The following GIT2 variants were observed in gnomAD, a reference collection of about 807,000 sequenced individuals.
GIT2 encodes GIT ArfGAP 2.
In GIT2, 32 loss-of-function variants were observed where a neutral mutation model predicts 100.3. That is an observed-to-expected ratio of 0.32 (90% confidence interval 0.24 to 0.43). The LOEUF (loss-of-function observed/expected upper bound fraction) is 0.43, where lower values mean the gene tolerates loss of function less well. Ranked by LOEUF, GIT2 falls within the 20% of genes least tolerant of loss-of-function variation. The pLI is 1.00. For missense variants in GIT2, 737 were observed against 975.1 expected (o/e 0.76, Z 3.25); for synonymous variants, 353 against 364.1 (o/e 0.97, Z 0.35).
chr12:109,960,408 G>C (rs961270616), intron 11 of GIT2, among the ~76,000 whole-genome samples: 3 of 152,048 alleles, frequency 2.0e-5, no homozygotes, highest in African/African-American at 4.8e-5. Flanking sequence ...AGGATCACTT[G>C]AGGTCAGGAC....
intron 1 of GIT2, among the ~76,000 whole-genome samples, chr12:109,994,324 G>C (rs1387714258): frequency 6.6e-6 from 1 of 152,120 alleles, no homozygotes; most frequent in Non-Finnish European, 1.5e-5. Context: ...TGGAGCCAGG[G>C]CTCCAGGGAC....
At chr12:109,995,978 G>A (rs1889329445) in intron 1 of GIT2, 195 bp downstream of exon 1, 3 of 473,436 alleles carry the variant, frequency 6.3e-6, no homozygotes, top group Middle Eastern at 5.5e-4. Flanking sequence ...GGAGGGCCGC[G>A]AGGGACGGGG....
chr12:109,989,650 G>T, intron 3 of GIT2, 40 bp downstream of exon 3: 1 of 1,126,100 alleles, frequency 8.9e-7, no homozygotes. Flanking sequence ...GGCCCCATTT[G>T]TTATGAAGAA....
intron 16 of GIT2, chr12:109,939,712 A>G (rs1874108162): frequency 6.7e-6 from 1 of 150,360 alleles, no homozygotes; most frequent in Admixed American, 6.6e-5. Flanking sequence ...TAAATAAATA[A>G]ATAAATAAAT....
intron 7 of GIT2, among the ~76,000 whole-genome samples, chr12:109,970,903 C>A (rs1372979103): frequency 6.6e-6 from 1 of 152,164 alleles, no homozygotes; most frequent in Admixed American, 6.5e-5. Context: ...GATCTTCCCA[C>A]ATCAGCCTCC....
chr12:109,993,956 ACT>A (rs1193995969), intron 1 of GIT2, among the ~76,000 whole-genome samples: 1 of 151,914 alleles, frequency 6.6e-6, no homozygotes, highest in African/African-American at 2.4e-5. Flanking sequence ...ATTTAGTATA[ACT>A]CTGTCGCTAT....
At position 109,931,294 on chromosome 12, in the gene GIT2, G is replaced by C. The variant is rs1385316531; in HGVS notation, c.*1684C>G. The stretch of plus-strand genomic sequence containing the variant: ...AGGAGCGACAGCAACATAACACACA[G>C]GGTTGGCCGGCTCCATTACGGGTAA... On this transcript the variant is annotated 3_prime_UTR_variant, in exon 20 of 20. Transcript: ENST00000355312. 2 of 152,284 alleles carry C rather than the reference G, an allele frequency of 1.3e-5. No homozygotes were observed. Among genetic ancestry groups the C allele is most frequent in the African/African-American group, 4.8e-5 (2 of 41,448 alleles). 9.4% of individuals were successfully genotyped at this position (152,284 alleles called of 1,614,324 possible).
intron 9 of GIT2, 142 bp downstream of exon 9, chr12:109,965,384 A>C (rs1236358343): frequency 9.9e-6 from 6 of 607,946 alleles, no homozygotes; most frequent in Non-Finnish European, 1.8e-5. Context: ...ACTGCTGTAT[A>C]CTCAACAGTC....
Position 109,948,995 on chromosome 12 carries a change from G to A in GIT2, c.1393-1491C>T, listed in dbSNP as rs1877096697. On this transcript the variant is annotated intron_variant, in intron 14 of 19. Transcript: ENST00000355312. The surrounding 1 kb of genome is among the most constrained non-coding windows in gnomAD (Gnocchi z 4.3). ...TTTATATTAATCATGCCAAACTGCT[G>A]TGAAAGTGTGACTTACTGCCTCTTC... 5.0e-6 allele frequency: 3 copies of A among 598,426 alleles called. No individual in the cohort carries two copies. The highest frequency in any genetic ancestry group is 3.4e-5 in the Admixed American group (1 of 29,298). The allele number at this position is 598,426 out of a possible 1,614,324, so 37.1% of individuals were successfully genotyped here.
At chr12:109,972,713 T>C (rs1470587103) in intron 7 of GIT2, among the ~76,000 whole-genome samples, 1 of 152,222 alleles carries the variant, frequency 6.6e-6, no homozygotes, top group African/African-American at 2.4e-5. Flanking sequence ...TCCACCCACC[T>C]TGGCCTCCCA....
rs576795831 is a variant in GIT2 at position 109,986,763 on chromosome 12, T to G, written c.405+2200A>C. Among the ~76,000 whole-genome samples the G allele has an allele frequency of 2.3e-3, 341 of 151,230 alleles. 1 individual carries two copies. The highest frequency in any genetic ancestry group is 8.1e-3 in the African/African-American group (332 of 41,044). On this transcript the variant is annotated intron_variant, in intron 4 of 19. Transcript: ENST00000355312. ...CTGGGCCACAGAGCAAGACTCCGTC[T>G]CAAAAACAAACAAACAAACAAACAA...
At chr12:109,991,910 G>A in intron 1 of GIT2, 150 bp from the exon 2 acceptor site, 2 of 633,092 alleles carry the variant, frequency 3.2e-6, no homozygotes, top group South Asian at 3.9e-5. Context: ...TCATCTTGTT[G>A]GATGGTATGA....
chr12:109,969,268 A>G (rs771496373), intron 7 of GIT2, among the ~76,000 whole-genome samples: 4 of 149,316 alleles, frequency 2.7e-5, no homozygotes, highest in Non-Finnish European at 5.9e-5. Context: ...CCCGGGTTCA[A>G]GCAATTCTCC....
chr12:109,948,483 C>A lies in GIT2; in HGVS notation c.1393-979G>T. 8.6e-7 allele frequency: 1 copy of A among 1,157,488 alleles called. No individual in the cohort carries two copies. Among genetic ancestry groups the A allele is most frequent in the Non-Finnish European group, 1.1e-6 (1 of 937,806 alleles). 71.7% of individuals were successfully genotyped at this position (1,157,488 alleles called of 1,614,324 possible). On this transcript the variant is annotated intron_variant, in intron 14 of 19. Coordinates refer to ENST00000355312, the MANE Select transcript of GIT2 (RefSeq NM_057169.5). The surrounding 1 kb of genome is among the most constrained non-coding windows in gnomAD (Gnocchi z 4.3). ...GCTGGATGGATTAGAGTTAAGGGGT[C>A]AGCAGGGAATCGTGTTACTCTTTGG... is the stretch of plus-strand genomic sequence containing the variant.
rs767070999 is a variant in GIT2 at position 109,953,197 on chromosome 12, C to T, written c.1137G>A (p.Gln379=). The T allele has an allele frequency of 1.2e-6, 2 of 1,613,898 alleles. No homozygotes were observed. The highest frequency in any genetic ancestry group is 2.2e-5 in the South Asian group (2 of 91,074). The change falls in exon 13 of 20, where the codon CAG becomes CAA. Residue 379 remains glutamine (Q), a synonymous_variant. Coordinates refer to ENST00000355312, the MANE Select transcript of GIT2 (RefSeq NM_057169.5). ...VELILKTINN[Q]HSVESQDNDQ... ...CGTTGTCTTGACTCTCAACGCTGTGCTGGTTATTGATGGTTTTCAGTATGA... is the reference window on the plus strand; with the variant it reads ...CGTTGTCTTGACTCTCAACGCTGTGTTGGTTATTGATGGTTTTCAGTATGA...
At chr12:109,935,168 T>C (rs1872638663) in intron 18 of GIT2, among the ~76,000 whole-genome samples, 1 of 152,042 alleles carries the variant, frequency 6.6e-6, no homozygotes, top group African/African-American at 2.4e-5. Context: ...TCATTGGAAA[T>C]CCTGACTTCT....
intron 12 of GIT2, chr12:109,953,618 C>T (rs2136297940): frequency 6.1e-6 from 1 of 164,806 alleles, no homozygotes; most frequent in South Asian, 1.9e-4. Context: ...CAGAGTGAGG[C>T]CCTGTCTCTA....
At chr12:109,951,358 A>G in intron 13 of GIT2, 42 bp from the exon 14 acceptor site, 1 of 1,492,696 alleles carries the variant, frequency 6.7e-7, no homozygotes, top group Non-Finnish European at 9.3e-7. Flanking sequence ...TGAGATGACG[A>G]GAACATTAAA....
chr12:109,969,781 G>A (rs547769410), intron 7 of GIT2, among the ~76,000 whole-genome samples: 11 of 146,398 alleles, frequency 7.5e-5, no homozygotes, highest in African/African-American at 2.5e-4. Flanking sequence ...TTTGAGACGC[G>A]GTCTCACTCT....
Sources: gnomAD v4.1 joint callset for allele counts (sites outside exome capture counted in the v4.1 genomes callset) on GRCh38, gnomAD v4.1.1 for gene constraint, Gnocchi (gnomAD v3.1) non-coding constraint, MANE v1.5 for transcripts, NCBI Gene and HGNC (gene_info 2026-07-23, HGNC 2026-07-21) for gene names.